Variants in EPHA6 observed in about 807,000 individuals in gnomAD.
EPHA6 encodes the protein EPH receptor A6.
A neutral mutation model predicts 112.0 loss-of-function variants in EPHA6; 50 were observed. The ratio of observed to expected loss-of-function variants is 0.45; its 90% CI spans 0.36 to 0.56. The LOEUF (loss-of-function observed/expected upper bound fraction) is 0.56, where lower values mean the gene tolerates loss of function less well. EPHA6 is among the 20% of genes least tolerant of loss of function. The pLI is 0.00. For missense variants in EPHA6, 1,280 were observed against 1,417.4 expected (o/e 0.90, Z 1.56); for synonymous variants, 529 against 490.7 (o/e 1.08, Z -1.03).
chr3:97,539,468 A>C (rs2092817982), intron 11 of EPHA6, among the ~76,000 whole-genome samples: 2 of 152,046 alleles, frequency 1.3e-5, no homozygotes, highest in Non-Finnish European at 2.9e-5. Flanking sequence ...TTTTCTAAGC[A>C]TTAGGTGTTC....
At chr3:96,872,366 A>T (rs1469404070) in intron 2 of EPHA6, among the ~76,000 whole-genome samples, 1 of 152,056 alleles carries the variant, frequency 6.6e-6, no homozygotes, top group African/African-American at 2.4e-5. Context: ...ACATTGTAGG[A>T]TAGAAGCCTC....
At chr3:97,547,896 AT>A in intron 11 of EPHA6, among the ~76,000 whole-genome samples, 1 of 152,206 alleles carries the variant, frequency 6.6e-6, no homozygotes, top group Non-Finnish European at 1.5e-5. Flanking sequence ...CTGGTGTGCC[AT>A]TTTTTAAGCC....
intron 10 of EPHA6, among the ~76,000 whole-genome samples, chr3:97,502,624 G>A (rs1350042774): frequency 6.6e-6 from 1 of 151,486 alleles, no homozygotes; most frequent in Non-Finnish European, 1.5e-5. Flanking sequence ...CACGAGGTCA[G>A]GAGATCGAGA....
chr3:97,050,763 A>G (rs770132782), intron 3 of EPHA6, among the ~76,000 whole-genome samples: 10 of 152,074 alleles, frequency 6.6e-5, no homozygotes, highest in Non-Finnish European at 1.0e-4. Flanking sequence ...TTACTTTTTC[A>G]TAGACTTAAA....
rs192901089 is a variant in EPHA6, at chr3:97,430,353, C to A, written c.1732-18215C>A. 4.8e-3 allele frequency among the ~76,000 whole-genome samples: 731 copies of A among 152,044 alleles called. 7 individuals carry two copies. Among genetic ancestry groups the A allele is most frequent in the African/African-American group, 0.017 (704 of 41,510 alleles). ...ACAGTTTCTGATTTTAAATTAAATA[C>A]CTAGAAGTGATTTTAGGGGACTAAA... On this transcript the variant is annotated intron_variant, in intron 6 of 17. Coordinates refer to ENST00000389672, the MANE Select transcript of EPHA6 (RefSeq NM_001080448.3).
intron 5 of EPHA6, among the ~76,000 whole-genome samples, chr3:97,331,797 G>A (rs1354487485): frequency 1.3e-5 from 2 of 152,072 alleles, no homozygotes; most frequent in East Asian, 3.9e-4. Context: ...TGGATTCACA[G>A]CCGAATTCAC....
At chr3:97,079,309 G>A (rs1559714235) in intron 3 of EPHA6, among the ~76,000 whole-genome samples, 1 of 152,114 alleles carries the variant, frequency 6.6e-6, no homozygotes, top group Admixed American at 6.6e-5. Flanking sequence ...GGACATGGAT[G>A]GAGAGGGAGA....
chr3:97,145,515 A>G (rs1349611228), intron 3 of EPHA6, among the ~76,000 whole-genome samples: 2 of 150,426 alleles, frequency 1.3e-5, no homozygotes, highest in South Asian at 2.1e-4. Flanking sequence ...TACCTTATTT[A>G]CCTTTAGGAA....
intron 15 of EPHA6, among the ~76,000 whole-genome samples, chr3:97,730,574 G>A (rs1437349544): frequency 4.0e-5 from 6 of 151,856 alleles, no homozygotes; most frequent in Non-Finnish European, 5.9e-5. Flanking sequence ...TCACCCCTTC[G>A]TATCCTAAGA....
chr3:97,676,207 G>T (rs1249557877), intron 14 of EPHA6, among the ~76,000 whole-genome samples: 2 of 152,078 alleles, frequency 1.3e-5, no homozygotes, highest in East Asian at 3.9e-4. Context: ...AATGAGGAGA[G>T]TAGTGCTGGG....
At position 96,990,632 on chromosome 3, in the gene EPHA6, C is replaced by G. The variant is rs80263471; in HGVS notation, c.1114+2639C>G. ...AATATAATGAATTGCTATTTATAAA[C>G]AAAAGAAATGTCAGAGTGGATGTGG... On this transcript the variant is annotated intron_variant, in intron 3 of 17. Coordinates refer to ENST00000389672, the MANE Select transcript of EPHA6 (RefSeq NM_001080448.3). Among the ~76,000 whole-genome samples the G allele has an allele frequency of 8.4e-3, 1,278 of 151,964 alleles. 19 individuals are homozygous for G. The highest frequency in any genetic ancestry group is 0.028 in the African/African-American group (1,173 of 41,462).
intron 3 of EPHA6, among the ~76,000 whole-genome samples, chr3:97,187,562 GA>G (rs2077173920): frequency 7.2e-6 from 1 of 138,744 alleles, no homozygotes; most frequent in African/African-American, 2.7e-5. Flanking sequence ...CTGACTGAGC[GA>G]GACTTCGTCT....
intron 11 of EPHA6, among the ~76,000 whole-genome samples, chr3:97,541,645 G>A (rs935080176): frequency 2.7e-4 from 40 of 150,606 alleles, no homozygotes; most frequent in African/African-American, 9.5e-4. Context: ...TGTCTTTTAT[G>A]ACCTTGAAAC....
intron 3 of EPHA6, among the ~76,000 whole-genome samples, chr3:97,115,298 C>G (rs998450705): frequency 7.3e-5 from 11 of 151,086 alleles, no homozygotes; most frequent in Non-Finnish European, 1.6e-4. Context: ...ATAAATAAAC[C>G]AAATATGAGA....
At chr3:97,665,708 C>T (rs1224473762) in intron 14 of EPHA6, among the ~76,000 whole-genome samples, 1 of 152,222 alleles carries the variant, frequency 6.6e-6, no homozygotes. Flanking sequence ...CACACATCTT[C>T]CACATGTCTT....
intron 2 of EPHA6, among the ~76,000 whole-genome samples, chr3:96,909,842 C>T (rs1452505961): frequency 3.3e-5 from 5 of 151,920 alleles, no homozygotes; most frequent in East Asian, 1.9e-4. Context: ...AATGTTGGCT[C>T]GGCATCTGAC....
chr3:96,825,767 G>A (rs1576065114), intron 1 of EPHA6, among the ~76,000 whole-genome samples: 1 of 151,814 alleles, frequency 6.6e-6, no homozygotes, highest in East Asian at 1.9e-4. Context: ...CTTTTAGAAT[G>A]TCAAAAGGCA....
chr3:97,458,356 C>T (rs1278694163), intron 7 of EPHA6, among the ~76,000 whole-genome samples: 1 of 152,078 alleles, frequency 6.6e-6, no homozygotes, highest in Non-Finnish European at 1.5e-5. Flanking sequence ...TCTTATGCTT[C>T]TGGAAAACAG....
chr3:97,629,790 G>A (rs1288824479), intron 13 of EPHA6, among the ~76,000 whole-genome samples: 1 of 151,856 alleles, frequency 6.6e-6, no homozygotes, highest in Non-Finnish European at 1.5e-5. Flanking sequence ...AGATACATAT[G>A]CAGACACACA....
Sources: allele counts gnomAD v4.1 joint callset (sites outside exome capture counted in the v4.1 genomes callset), GRCh38; gene constraint gnomAD v4.1.1; transcripts MANE v1.5; gene names NCBI Gene and HGNC (gene_info 2026-07-23, HGNC 2026-07-21).